AP1S3: variants seen among roughly 807,000 people sequenced by gnomAD.
AP1S3 encodes the protein AP-1 complex subunit sigma-3.
AP1S3 carries 10 observed loss-of-function variants against 20.9 expected under a neutral mutation model. The ratio of observed to expected loss-of-function variants is 0.48; its 90% CI spans 0.29 to 0.81. AP1S3 has a LOEUF of 0.81. AP1S3 is among the 30% of genes least tolerant of loss of function. The probability of loss-of-function intolerance (pLI) is 0.08; values close to 1 mark genes in which losing one functional copy is unlikely to be tolerated. For missense variants in AP1S3, 154 were observed against 183.8 expected, an observed-to-expected ratio of 0.84 and a Z score of 0.94; for synonymous variants, 41 against 61.5, an observed-to-expected ratio of 0.67 and a Z score of 1.56.
intron 1 of AP1S3, among the ~76,000 whole-genome samples, chr2:223,822,471 G>A (rs1202585439): frequency 1.3e-5 from 2 of 151,888 alleles, no homozygotes; most frequent in African/African-American, 4.8e-5. Context: ...GATCACCTGA[G>A]GTCAGGAGTT....
chr2:223,821,182 C>T (rs1691979884), intron 1 of AP1S3, among the ~76,000 whole-genome samples: 1 of 152,128 alleles, frequency 6.6e-6, no homozygotes, highest in Admixed American at 6.6e-5. Flanking sequence ...ATGGCAGAGT[C>T]TCACACTGTC....
intron 1 of AP1S3, among the ~76,000 whole-genome samples, chr2:223,824,915 A>C (rs1301577805): frequency 1.3e-5 from 2 of 152,180 alleles, no homozygotes; most frequent in Non-Finnish European, 1.5e-5. Context: ...TTCACACGTG[A>C]GAAATGTCAC....
rs1381631894 is a variant in AP1S3, at chr2:223,757,829, T to TTAAAACATA, written c.*877_*885dup. 1.0e-6 allele frequency: 1 copy of TTAAAACATA among 985,154 alleles called. No homozygotes were observed. Among genetic ancestry groups the TTAAAACATA allele is most frequent in the Non-Finnish European group, 1.2e-6 (1 of 829,816 alleles). 61.0% of individuals were successfully genotyped at this position (985,154 alleles called of 1,614,324 possible). ...AGTCTTCAAATGCATTAGAGATACA[T>TTAAAACATA]TAAAACATATTTGAAATGAAATTTC... is the stretch of plus-strand genomic sequence containing the variant. On this transcript the variant is annotated 3_prime_UTR_variant, in exon 5 of 5. Transcript: ENST00000396654.
chr2:223,833,033 T>C (rs1035071998), intron 1 of AP1S3, among the ~76,000 whole-genome samples: 27 of 152,102 alleles, frequency 1.8e-4, no homozygotes, highest in Non-Finnish European at 2.1e-4. Context: ...AAAAGACGGT[T>C]ATTCATGTTT....
chr2:223,775,722 A>G, intron 3 of AP1S3, among the ~76,000 whole-genome samples, 179 bp downstream of exon 3: 1 of 152,172 alleles, frequency 6.6e-6, no homozygotes, highest in East Asian at 1.9e-4. Context: ...TTTACTAAGA[A>G]TTATAGGTAG....
intron 1 of AP1S3, 127 bp downstream of exon 1, chr2:223,837,321 G>A (rs934866426): frequency 2.5e-6 from 1 of 402,760 alleles, no homozygotes; most frequent in Non-Finnish European, 4.1e-6. Context: ...CGCACGGTTC[G>A]GGTGGCCAGG....
chr2:223,796,337 T>C (rs1481668677), intron 1 of AP1S3, among the ~76,000 whole-genome samples: 1 of 152,182 alleles, frequency 6.6e-6, no homozygotes, highest in East Asian at 1.9e-4. Context: ...CATGTTCTGA[T>C]GGGAAGAGCC....
Position 223,756,880 on chromosome 2 carries a change from AC to A in AP1S3, c.*1834del. On this transcript the variant is annotated 3_prime_UTR_variant, in exon 5 of 5. Transcript: ENST00000396654. The stretch of plus-strand genomic sequence containing the variant: ...TCTAGGAAATCACTGGAGGTCCCAA[AC>A]CACTCTAATATGAATGATACCAGAC... The A allele has an allele frequency of 2.0e-6, 2 of 985,460 alleles. No homozygotes were observed. The highest frequency in any genetic ancestry group is 1.7e-5 in the African/African-American group (1 of 57,366). 61.0% of individuals were successfully genotyped at this position (985,460 alleles called of 1,614,324 possible).
At chr2:223,827,541 C>A (rs908116684) in intron 1 of AP1S3, among the ~76,000 whole-genome samples, 2 of 152,008 alleles carry the variant, frequency 1.3e-5, no homozygotes, top group Non-Finnish European at 2.9e-5. Flanking sequence ...TGCCACCACA[C>A]CCAGCTACAT....
chr2:223,780,308 T>TAGAGAG (rs527550327), intron 1 of AP1S3, among the ~76,000 whole-genome samples: 7 of 62,046 alleles, frequency 1.1e-4, no homozygotes, highest in Non-Finnish European at 1.7e-4. Flanking sequence ...TATATATATA[T>TAGAGAG]AGAGAGAGAG....
intron 1 of AP1S3, among the ~76,000 whole-genome samples, chr2:223,833,932 G>A (rs1692338667): frequency 6.9e-6 from 1 of 144,282 alleles, no homozygotes; most frequent in Non-Finnish European, 1.5e-5. Context: ...ATTTGAGATG[G>A]AGTTTTGTTC....
At chr2:223,787,885 C>T (rs1421988360) in intron 1 of AP1S3, among the ~76,000 whole-genome samples, 3 of 152,202 alleles carry the variant, frequency 2.0e-5, no homozygotes, top group Non-Finnish European at 4.4e-5. Context: ...TCAGTAACCT[C>T]CCAAGCAGGG....
chr2:223,773,386 G>A (rs1690678981), intron 3 of AP1S3: 2 of 1,301,266 alleles, frequency 1.5e-6, no homozygotes, highest in East Asian at 5.6e-5. Context: ...ACAAAAATGT[G>A]AGAATTCATT....
intron 1 of AP1S3, among the ~76,000 whole-genome samples, chr2:223,784,393 C>T (rs1434921328): frequency 1.3e-5 from 2 of 152,160 alleles, no homozygotes; most frequent in Non-Finnish European, 2.9e-5. Context: ...CCTGTGTGCA[C>T]AGACTTGTCA....
intron 1 of AP1S3, among the ~76,000 whole-genome samples, chr2:223,810,981 T>C (rs1180973351): frequency 6.6e-6 from 1 of 152,170 alleles, no homozygotes; most frequent in African/African-American, 2.4e-5. Context: ...TGATAAAATA[T>C]ACATAACATG....
chr2:223,812,378 C>T (rs1308833087), intron 1 of AP1S3, among the ~76,000 whole-genome samples: 1 of 152,240 alleles, frequency 6.6e-6, no homozygotes, highest in African/African-American at 2.4e-5. Flanking sequence ...CGCGCCACCA[C>T]GCCTGGCTAA....
chr2:223,823,549 CAG>C (rs1328786923), intron 1 of AP1S3, among the ~76,000 whole-genome samples: 3 of 152,024 alleles, frequency 2.0e-5, no homozygotes, highest in African/African-American at 4.8e-5. Context: ...GTCATAGAAG[CAG>C]AGAGAGAGTA....
chr2:223,814,719 G>A lies in AP1S3; in HGVS notation c.3+22729C>T, dbSNP rs188238949. ...CATTAAACTAAAAAATATGACAGGC[G>A]TTCTAAGACTATACAGGAGATTTCA... On this transcript the variant is annotated intron_variant, in intron 1 of 4. Coordinates refer to ENST00000396654, the MANE Select transcript of AP1S3 (RefSeq NM_001039569.2). Among the ~76,000 whole-genome samples, 55 of 152,286 alleles carry A rather than the reference G, an allele frequency of 3.6e-4. No homozygotes were observed. In the East Asian group the frequency reaches 7.7e-3, roughly 21 times the overall value.
At position 223,817,621 on chromosome 2, in the gene AP1S3, A is replaced by AAG. The variant is rs1553525095; in HGVS notation, c.3+19826_3+19827insCT. Among the ~76,000 whole-genome samples the AAG allele has an allele frequency of 1.9e-3, 281 of 148,500 alleles. 5 individuals carry two copies. Among genetic ancestry groups the AAG allele is most frequent in the African/African-American group, 5.1e-3 (204 of 40,078 alleles). On this transcript the variant is annotated intron_variant, in intron 1 of 4. Transcript: ENST00000396654. The stretch of plus-strand genomic sequence containing the variant: ...AGACTCCGTCTCAAAAAAAAAAAAA[A>AAG]AAAGAAAAGAAAACTATTTGGAAGA...
Sources: allele counts gnomAD v4.1 joint callset (sites outside exome capture counted in the v4.1 genomes callset), GRCh38; gene constraint gnomAD v4.1.1; transcripts MANE v1.5; gene names NCBI Gene and HGNC (gene_info 2026-07-23, HGNC 2026-07-21).